WDPCP: variants seen among roughly 807,000 people sequenced by gnomAD.
WDPCP encodes WD repeat-containing and planar cell polarity effector protein fritz homolog.
In WDPCP, 71 loss-of-function variants were observed where a neutral mutation model predicts 93.1. That is an observed-to-expected ratio of 0.76 (90% CI 0.63 to 0.93). The LOEUF (loss-of-function observed/expected upper bound fraction) is 0.93. Among genes scored for constraint, WDPCP ranks in the 40% least tolerant of loss-of-function variants. The probability of loss-of-function intolerance (pLI) is 0.00; values close to 1 mark genes in which losing one functional copy is unlikely to be tolerated. For missense variants in WDPCP, 844 were observed against 887.4 expected (o/e 0.95, Z 0.62); for synonymous variants, 315 against 315.0 (o/e 1.00, Z 0.00).
At chr2:63,135,424 C>T (rs1369519480) in intron 17 of WDPCP, among the ~76,000 whole-genome samples, 5 of 151,792 alleles carry the variant, frequency 3.3e-5, no homozygotes, top group South Asian at 2.1e-4. Context: ...CTCGGCCTCC[C>T]GGATTCAAGC....
intron 13 of WDPCP, among the ~76,000 whole-genome samples, chr2:63,297,961 C>T (rs772206695): frequency 6.6e-6 from 1 of 152,160 alleles, no homozygotes; most frequent in Non-Finnish European, 1.5e-5. Flanking sequence ...TTAGCCTCAA[C>T]TTGCAGCTCT....
upstream of WDPCP, among the ~76,000 whole-genome samples, chr2:63,592,611 A>G (rs760970466): frequency 2.0e-5 from 3 of 152,220 alleles, no homozygotes; most frequent in Admixed American, 2.0e-4. Flanking sequence ...CCCCCGCGCA[A>G]TGCGCTGGGA....
At chr2:63,679,492 C>A (rs1710463499) in intron 2 of WDPCP, among the ~76,000 whole-genome samples, 1 of 152,094 alleles carries the variant, frequency 6.6e-6, no homozygotes, top group Non-Finnish European at 1.5e-5. Context: ...AGTCCTGGTT[C>A]TGCCCTATGG....
chr2:63,836,334 T>G, the WDPCP span, among the ~76,000 whole-genome samples: 1 of 152,148 alleles, frequency 6.6e-6, no homozygotes, highest in Non-Finnish European at 1.5e-5. Flanking sequence ...CAAAAGTCAT[T>G]TGATGGAATG....
intron 14 of WDPCP, among the ~76,000 whole-genome samples, chr2:63,175,955 G>A (rs1236193354): frequency 1.3e-5 from 2 of 152,148 alleles, no homozygotes; most frequent in African/African-American, 4.8e-5. Flanking sequence ...TCAGAAGGGG[G>A]ATTGCCTATC....
intron 3 of WDPCP, chr2:63,597,129 A>G (rs1558860276): frequency 3.5e-6 from 1 of 285,556 alleles, no homozygotes; most frequent in East Asian, 1.8e-4. Context: ...TATACCTTGC[A>G]TCATATATGA....
intron 1 of WDPCP, among the ~76,000 whole-genome samples, chr2:63,522,455 GACACAC>G (rs112008719): frequency 7.9e-4 from 101 of 127,294 alleles, no homozygotes; most frequent in African/African-American, 2.3e-3. Context: ...CAGACAGACA[GACACAC>G]ACACACACAC....
intron 12 of WDPCP, among the ~76,000 whole-genome samples, chr2:63,355,957 C>G (rs1689992846): frequency 6.6e-6 from 1 of 152,064 alleles, no homozygotes; most frequent in Non-Finnish European, 1.5e-5. Context: ...GCCAAATGCC[C>G]CACTTTTTAA....
chr2:63,441,535 C>A (rs1697503238), intron 6 of WDPCP: 1 of 152,008 alleles, frequency 6.6e-6, no homozygotes, highest in Admixed American at 6.6e-5. Flanking sequence ...GTTGGCTTGG[C>A]CACATTTATC....
At chr2:63,484,796 C>G (rs1179664033) in intron 5 of WDPCP, 121 bp downstream of exon 5, 3 of 1,495,016 alleles carry the variant, frequency 2.0e-6, no homozygotes, top group African/African-American at 1.4e-5. Context: ...GAACTCATCA[C>G]TGGACAAAAG....
chr2:63,752,524 T>A (rs59719539), intron 2 of WDPCP: 43,579 of 724,388 alleles, frequency 0.06, 2,292 homozygotes, highest in African/African-American at 0.23. Context: ...TTGTGAGCAT[T>A]CCCCATTGCT....
intron 10 of WDPCP, among the ~76,000 whole-genome samples, chr2:63,391,493 G>T (rs1432356277): frequency 6.6e-6 from 1 of 152,164 alleles, no homozygotes; most frequent in Non-Finnish European, 1.5e-5. Context: ...AGACAAGGAT[G>T]CCCTCTCTCA....
intron 1 of WDPCP, among the ~76,000 whole-genome samples, chr2:63,534,924 C>T (rs543936399): frequency 1.3e-5 from 2 of 152,266 alleles, no homozygotes; most frequent in South Asian, 2.1e-4. Flanking sequence ...TCAAATTGTT[C>T]CTGTTTGCAG....
At chr2:63,327,575 C>T (rs367938601) in intron 12 of WDPCP, among the ~76,000 whole-genome samples, 3 of 152,284 alleles carry the variant, frequency 2.0e-5, no homozygotes, top group East Asian at 3.9e-4. Context: ...GAGGACTTTG[C>T]ACATTCTTAG....
rs1284027456 is a variant in WDPCP at position 63,378,163 on chromosome 2, A to G, written c.1748+223T>C. The G allele has an allele frequency of 7.1e-6, 4 of 563,484 alleles. No individual in the cohort carries two copies. The Admixed American group carries it at 1.2e-4, about 17-fold the overall frequency. 34.9% of individuals were successfully genotyped at this position (563,484 alleles called of 1,614,324 possible). On this transcript the variant is annotated intron_variant, in intron 12 of 17. Transcript: ENST00000272321. ...GCTTTCATATTAAAGAGGAAGGTAT[A>G]TTAAAAAGTATTGGTTATATAAAAC...
chr2:63,491,384 G>T (rs528507666), intron 2 of WDPCP, among the ~76,000 whole-genome samples: 1 of 152,312 alleles, frequency 6.6e-6, no homozygotes, highest in East Asian at 1.9e-4. Flanking sequence ...CACACATAGA[G>T]CTTGCCAACT....
rs139878372 is a variant in WDPCP, at chr2:63,121,380, C to CT, written c.*625dup. ...AGGACTTTCTTTCTTTCTTTTCTTT[C>CT]TTTTTTTTTTTTTTTTTTTTTGGAG... On this transcript the variant is annotated 3_prime_UTR_variant, in exon 18 of 18. Coordinates refer to ENST00000272321, the MANE Select transcript of WDPCP (RefSeq NM_015910.7). 26 of 87,312 alleles carry CT rather than the reference C, an allele frequency of 3.0e-4. No homozygotes were observed. The highest frequency in any genetic ancestry group is 6.6e-4 in the African/African-American group (15 of 22,882). 5.4% of individuals were successfully genotyped at this position (87,312 alleles called of 1,614,324 possible).
chr2:63,321,153 C>T (rs1261534640), intron 12 of WDPCP, among the ~76,000 whole-genome samples: 2 of 151,904 alleles, frequency 1.3e-5, no homozygotes, highest in Admixed American at 1.3e-4. Context: ...AAAAAGGTGA[C>T]AGAAATAAAG....
At chr2:63,317,779 G>A (rs1686772699) in intron 12 of WDPCP, among the ~76,000 whole-genome samples, 1 of 152,034 alleles carries the variant, frequency 6.6e-6, no homozygotes, top group Admixed American at 6.6e-5. Context: ...ATGAACTACA[G>A]ACTTAAATGT....
Sources: gnomAD v4.1 joint callset for allele counts (sites outside exome capture counted in the v4.1 genomes callset) on GRCh38, gnomAD v4.1.1 for gene constraint, MANE v1.5 for transcripts, NCBI Gene and HGNC (gene_info 2026-07-23, HGNC 2026-07-21) for gene names.